CADM1: variants seen among roughly 807,000 people sequenced by gnomAD.
The protein encoded by CADM1 is cell adhesion molecule 1.
Under a neutral mutation model 53.1 loss-of-function variants are expected in CADM1, and 15 were observed. The observed-to-expected ratio is 0.28, with a 90% CI of 0.19 to 0.44. The LOEUF is 0.44. Among genes scored for constraint, CADM1 ranks in the 20% least tolerant of loss-of-function variants. CADM1 has a pLI of 1.00. For synonymous variants in CADM1, 281 were observed against 243.0 expected (o/e 1.16, Z -1.45); for missense variants, 434 against 611.3 (o/e 0.71, Z 3.06).
At chr11:115,263,091 C>T (rs1301648377) in intron 1 of CADM1, among the ~76,000 whole-genome samples, 1 of 152,222 alleles carries the variant, frequency 6.6e-6, no homozygotes, top group Non-Finnish European at 1.5e-5. Context: ...AAGAATGCCA[C>T]GGAGGCGACG....
chr11:115,273,348 T>C (rs919620147), intron 1 of CADM1, among the ~76,000 whole-genome samples: 1 of 152,220 alleles, frequency 6.6e-6, no homozygotes, highest in African/African-American at 2.4e-5. Context: ...TTCAGAAACA[T>C]CTCTTAAATG....
At chr11:115,225,215 A>C (rs1474863108) in intron 5 of CADM1, among the ~76,000 whole-genome samples, 1 of 152,076 alleles carries the variant, frequency 6.6e-6, no homozygotes, top group Non-Finnish European at 1.5e-5. Context: ...ACGAGCACCC[A>C]ACAGGGAAAT....
At chr11:115,435,498 C>T (rs183198442) in intron 1 of CADM1, among the ~76,000 whole-genome samples, 90 of 152,064 alleles carry the variant, frequency 5.9e-4, no homozygotes, top group African/African-American at 2.1e-3. Context: ...TTTGGGAGGC[C>T]GAGGCAGGCA....
intron 1 of CADM1, among the ~76,000 whole-genome samples, chr11:115,384,470 G>A (rs61905811): frequency 1.4e-4 from 22 of 152,252 alleles, no homozygotes; most frequent in Non-Finnish European, 2.6e-4. Flanking sequence ...TTTGGCAGTC[G>A]ATTGGCTGTT....
chr11:115,257,465 T>C (rs1382985099), intron 1 of CADM1, among the ~76,000 whole-genome samples: 1 of 152,232 alleles, frequency 6.6e-6, no homozygotes, highest in Admixed American at 6.5e-5. Flanking sequence ...TCAAAAGCAC[T>C]AAATATGTCC....
At chr11:115,482,505 T>C (rs148077044) in intron 1 of CADM1, among the ~76,000 whole-genome samples, 1 of 152,194 alleles carries the variant, frequency 6.6e-6, no homozygotes, top group African/African-American at 2.4e-5. Context: ...TTTAGTCACA[T>C]TAATTTTAAC....
chr11:115,287,229 C>T (rs779536751), intron 1 of CADM1, among the ~76,000 whole-genome samples: 6 of 152,208 alleles, frequency 3.9e-5, no homozygotes, highest in African/African-American at 7.2e-5. Flanking sequence ...TGATATTCTA[C>T]AGCACTGAAA....
chr11:115,272,776 C>T (rs1943335439), intron 1 of CADM1, among the ~76,000 whole-genome samples: 1 of 149,368 alleles, frequency 6.7e-6, no homozygotes, highest in Admixed American at 6.7e-5. Context: ...GGAGGGATAG[C>T]ATTGGGAGAT....
At chr11:115,199,113 CACAA>C (rs1238013158) in intron 8 of CADM1, among the ~76,000 whole-genome samples, 2 of 152,204 alleles carry the variant, frequency 1.3e-5, no homozygotes, top group African/African-American at 4.8e-5. Context: ...CACACACACA[CACAA>C]ACACACACAT....
chr11:115,177,663 C>T (rs1020756539), intron 11 of CADM1, among the ~76,000 whole-genome samples: 7 of 146,724 alleles, frequency 4.8e-5, no homozygotes, highest in Non-Finnish European at 7.6e-5. Flanking sequence ...GGCCTTACCT[C>T]CTGTCTCTGT....
At chr11:115,502,158 C>T (rs1037985421) in intron 1 of CADM1, among the ~76,000 whole-genome samples, 28 of 152,110 alleles carry the variant, frequency 1.8e-4, no homozygotes, top group African/African-American at 6.5e-4. Flanking sequence ...CTTCTCACCG[C>T]GAGATAGTTA....
intron 1 of CADM1, among the ~76,000 whole-genome samples, chr11:115,381,854 T>A (rs1034298823): frequency 6.6e-6 from 1 of 150,910 alleles, no homozygotes; most frequent in Non-Finnish European, 1.5e-5. Context: ...ATAATAGGAT[T>A]TTTTTTTTGA....
chr11:115,388,976 C>T (rs1377791899), intron 1 of CADM1, among the ~76,000 whole-genome samples: 5 of 151,966 alleles, frequency 3.3e-5, no homozygotes, highest in African/African-American at 1.2e-4. Flanking sequence ...TTTCCTGAAG[C>T]TAATAATTAT....
chr11:115,482,724 G>A (rs1949285679), intron 1 of CADM1, among the ~76,000 whole-genome samples: 1 of 152,186 alleles, frequency 6.6e-6, no homozygotes, highest in African/African-American at 2.4e-5. Flanking sequence ...TTAAGGAGCT[G>A]ACAATCTCAC....
At chr11:115,471,753 T>C (rs184479399) in intron 1 of CADM1, among the ~76,000 whole-genome samples, 1 of 152,112 alleles carries the variant, frequency 6.6e-6, no homozygotes, top group Admixed American at 6.5e-5. Context: ...TGGAGTGAAC[T>C]GGAGGGTTTC....
At chr11:115,361,347 G>T (rs1465513636) in intron 1 of CADM1, among the ~76,000 whole-genome samples, 1 of 152,192 alleles carries the variant, frequency 6.6e-6, no homozygotes. Flanking sequence ...TATCAGAGTT[G>T]CAGTTAATCT....
At chr11:115,427,992 C>A (rs1947935334) in intron 1 of CADM1, among the ~76,000 whole-genome samples, 1 of 109,280 alleles carries the variant, frequency 9.2e-6, no homozygotes, top group Admixed American at 1.4e-4. Flanking sequence ...GGCGACAGAG[C>A]AAGACTCCAT....
At chr11:115,487,264 T>C (rs1194749709) in intron 1 of CADM1, among the ~76,000 whole-genome samples, 1 of 152,254 alleles carries the variant, frequency 6.6e-6, no homozygotes, top group African/African-American at 2.4e-5. Context: ...CTTTGGGAAC[T>C]AGCACCAGAT....
At chr11:115,234,352 G>A (rs568107270) in intron 3 of CADM1, among the ~76,000 whole-genome samples, 2 of 152,150 alleles carry the variant, frequency 1.3e-5, no homozygotes, top group Non-Finnish European at 2.9e-5. Flanking sequence ...GATAAGGATC[G>A]AGGAAAATTC....
Sources: allele counts gnomAD v4.1 joint callset (sites outside exome capture counted in the v4.1 genomes callset), GRCh38; gene constraint gnomAD v4.1.1; transcripts MANE v1.5; gene names NCBI Gene and HGNC (gene_info 2026-07-23, HGNC 2026-07-21).